Variants in THRAP3 observed in about 807,000 individuals in gnomAD.
The protein encoded by THRAP3 is thyroid hormone receptor associated protein 3.
In THRAP3, 16 loss-of-function variants were observed where a neutral mutation model predicts 101.0. The observed-to-expected ratio is 0.16, with a 90% CI of 0.11 to 0.24. THRAP3 has a LOEUF of 0.24. Ranked by LOEUF, THRAP3 falls within the 10% of genes least tolerant of loss-of-function variation. The probability of loss-of-function intolerance (pLI) is 1.00; values close to 1 mark genes in which losing one functional copy is unlikely to be tolerated. For synonymous variants in THRAP3, 407 were observed against 422.6 expected, an observed-to-expected ratio of 0.96 and a Z score of 0.45; for missense variants, 989 against 1,202.7, an observed-to-expected ratio of 0.82 and a Z score of 2.63.
rs540423730 is a variant in THRAP3 at position 36,247,183 on chromosome 1, G to C, written c.-134-12199G>C. ...GATACAAAAATTAGCTGTGTGTGGTGGTGGGCGCCTGTAATCCCAGCTACT... is the reference window on the plus strand; with the variant it reads ...GATACAAAAATTAGCTGTGTGTGGTCGTGGGCGCCTGTAATCCCAGCTACT... On this transcript the variant is annotated intron_variant, in intron 1 of 11. Transcript: ENST00000354618. Among the ~76,000 whole-genome samples, 544 of 152,138 alleles carry C rather than the reference G, an allele frequency of 3.6e-3. 27 individuals are homozygous for C. In the South Asian group the frequency reaches 0.11, roughly 30 times the overall value.
intron 2 of THRAP3, among the ~76,000 whole-genome samples, chr1:36,274,074 TGTCACACACACA>T (rs1430440301): frequency 0.023 from 2,932 of 125,794 alleles, 53 homozygotes; most frequent in Middle Eastern, 0.034. Context: ...TGTGTGTGTG[TGTCACACACACA>T]CACACACACA....
In THRAP3 at chr1:36,224,518, C is replaced by T. The variant is rs1412524501; in HGVS notation, c.-135+13C>T. 1.3e-5 allele frequency: 2 copies of T among 152,526 alleles called. No individual in the cohort carries two copies. The highest frequency in any genetic ancestry group is 6.5e-5 in the Admixed American group (1 of 15,270). The allele number at this position is 152,526 out of a possible 1,614,324, so 9.4% of individuals were successfully genotyped here. On this transcript the variant is annotated intron_variant, in intron 1 of 11. Coordinates refer to ENST00000354618, the MANE Select transcript of THRAP3 (RefSeq NM_005119.4). Reference sequence around the variant, plus strand: ...GTGGTAGGCCCAGGTGAGTGAGCGCCTCTGATGGAAGTTAGGGCAGCTTAA... The same window carrying T: ...GTGGTAGGCCCAGGTGAGTGAGCGCTTCTGATGGAAGTTAGGGCAGCTTAA...
intron 1 of THRAP3, among the ~76,000 whole-genome samples, chr1:36,247,870 C>CTTTTTT (rs550667195): frequency 7.8e-6 from 1 of 128,530 alleles, no homozygotes; most frequent in Non-Finnish European, 1.7e-5. Context: ...CCATCTTCAT[C>CTTTTTT]TTTTTTTTTT....
At chr1:36,224,209 G>A (rs1644931314), upstream of THRAP3, among the ~76,000 whole-genome samples, 1 of 152,240 alleles carries the variant, frequency 6.6e-6, no homozygotes, top group Non-Finnish European at 1.5e-5. Context: ...CCATCTCCAG[G>A]CCACCCAGGC....
rs550667195 is a variant in THRAP3 at position 36,247,870 on chromosome 1, CTT to C, written c.-134-11493_-134-11492del. ...TTTTGACCACATCTCCCATCTTCAT[CTT>C]TTTTTTTTTTTTTTTTTTGGGAGAT... On this transcript the variant is annotated intron_variant, in intron 1 of 11. Transcript: ENST00000354618. Among the ~76,000 whole-genome samples the C allele has an allele frequency of 2.5e-4, 32 of 128,510 alleles. 1 individual carries two copies. The highest frequency in any genetic ancestry group is 3.5e-4 in the Non-Finnish European group (21 of 60,240). 84.3% of individuals were successfully genotyped at this position (128,510 alleles called of 152,430 possible). A position where few individuals can be genotyped will look rare whatever the true frequency, so the allele number is the denominator to read the frequency against.
chr1:36,245,344 T>G (rs1266521993), intron 1 of THRAP3, among the ~76,000 whole-genome samples: 1 of 151,962 alleles, frequency 6.6e-6, no homozygotes, highest in Non-Finnish European at 1.5e-5. Flanking sequence ...TTTTTTTGTA[T>G]TTTTAGTAGA....
At chr1:36,287,890 C>T in intron 4 of THRAP3, 1 of 985,410 alleles carries the variant, frequency 1.0e-6, no homozygotes. Context: ...GAACATGAAT[C>T]TTTGTTTGTA....
At chr1:36,262,964 T>A (rs1645466025) in intron 2 of THRAP3, among the ~76,000 whole-genome samples, 2 of 123,580 alleles carry the variant, frequency 1.6e-5, no homozygotes, top group African/African-American at 5.7e-5. Flanking sequence ...GGCTAATTTT[T>A]TTTTTTTTTT....
chr1:36,298,586 T>C lies in THRAP3; in HGVS notation c.2303+1816T>C, dbSNP rs573196602. On this transcript the variant is annotated intron_variant, in intron 9 of 11. Transcript: ENST00000354618. ...ATAGCTCACGGCATCCTTGAACTCCTGGGTTCAAGTGATCCTCCTGCTTCA... is the reference window on the plus strand; with the variant it reads ...ATAGCTCACGGCATCCTTGAACTCCCGGGTTCAAGTGATCCTCCTGCTTCA... Among the ~76,000 whole-genome samples the C allele has an allele frequency of 1.4e-4, 22 of 152,110 alleles. No individual in the cohort carries two copies. In the East Asian group the frequency reaches 3.9e-3, roughly 27 times the overall value.
chr1:36,275,512 A>G lies in THRAP3; in HGVS notation c.-31-7021A>G, dbSNP rs572790610. On this transcript the variant is annotated intron_variant, in intron 2 of 11. Transcript: ENST00000354618. ...TGAGGCAGGAGAATGGTGTGAACCCAGGAGGCGGAGCTTGCAGTGAGCTGA... is the reference window on the plus strand; with the variant it reads ...TGAGGCAGGAGAATGGTGTGAACCCGGGAGGCGGAGCTTGCAGTGAGCTGA... 9.0e-5 allele frequency among the ~76,000 whole-genome samples: 13 copies of G among 144,810 alleles called. No homozygotes were observed. In the East Asian group the frequency reaches 1.9e-3, roughly 21 times the overall value.
chr1:36,249,720 G>GTGTGTGTGTGTGT (rs1553193619), intron 1 of THRAP3, among the ~76,000 whole-genome samples: 2 of 146,814 alleles, frequency 1.4e-5, no homozygotes, highest in African/African-American at 2.5e-5. Flanking sequence ...GTGTGTGTGT[G>GTGTGTGTGTGTGT]GTGGAGGTTG....
intron 1 of THRAP3, among the ~76,000 whole-genome samples, chr1:36,255,994 TG>T (rs929342086): frequency 3.2e-4 from 49 of 152,026 alleles, no homozygotes; most frequent in African/African-American, 1.1e-3. Flanking sequence ...AAGGCACTGT[TG>T]TCCTTTATCT....
rs1645804494 is a variant in THRAP3 at position 36,286,992 on chromosome 1, C to T, written c.762C>T (p.Pro254=). 1.2e-6 allele frequency: 2 copies of T among 1,614,252 alleles called. No homozygotes were observed. The highest frequency in any genetic ancestry group is 1.7e-6 in the Non-Finnish European group (2 of 1,180,052). The change falls in exon 4 of 12, where the codon CCC becomes CCT. Residue 254 remains proline (P), a synonymous_variant. Coordinates refer to ENST00000354618, the MANE Select transcript of THRAP3 (RefSeq NM_005119.4). The surrounding 1 kb of genome is among the most constrained non-coding windows in gnomAD (Gnocchi z 5.5). ...PRERSPALKS[P]LQSVVVRRRS... ...AGCGAAGCCCAGCTCTCAAAAGCCC[C>T]CTCCAGTCTGTGGTGGTGAGGCGGC... is the stretch of plus-strand genomic sequence containing the variant.
At position 36,293,033 on chromosome 1, in the gene THRAP3, T is replaced by TTTTTTTTTC. The variant is rs756969374; in HGVS notation, c.2030+332_2030+333insCTTTTTTTT. Among the ~76,000 whole-genome samples, 29 of 115,418 alleles carry TTTTTTTTTC rather than the reference T, an allele frequency of 2.5e-4. 2 individuals carry two copies. Among genetic ancestry groups the TTTTTTTTTC allele is most frequent in the African/African-American group, 8.9e-4 (29 of 32,590 alleles). 75.7% of individuals were successfully genotyped at this position (115,418 alleles called of 152,430 possible). A position where few individuals can be genotyped will look rare whatever the true frequency, so the allele number is the denominator to read the frequency against. ...ATGCTAGTTTCTTTTCTTGTCTTTT[T>TTTTTTTTTC]TTTTTTTTTTTTTGAGATGGAGTGT... On this transcript the variant is annotated intron_variant, in intron 7 of 11. Coordinates refer to ENST00000354618, the MANE Select transcript of THRAP3 (RefSeq NM_005119.4).
At chr1:36,297,240 G>A (rs1645964492) in intron 9 of THRAP3, among the ~76,000 whole-genome samples, 1 of 152,150 alleles carries the variant, frequency 6.6e-6, no homozygotes, top group African/African-American at 2.4e-5. Flanking sequence ...TTCCAAGAGA[G>A]GTGTTCCAGG....
chr1:36,252,721 A>G lies in THRAP3; in HGVS notation c.-134-6661A>G, dbSNP rs140291170. Among the ~76,000 whole-genome samples, 1,479 of 151,774 alleles carry G rather than the reference A, an allele frequency of 9.7e-3. 26 individuals carry two copies. Among genetic ancestry groups the G allele is most frequent in the African/African-American group, 0.034 (1,392 of 41,434 alleles). On this transcript the variant is annotated intron_variant, in intron 1 of 11. Transcript: ENST00000354618. ...TCAGTTCGAGACCAGCCTGGCCAAC[A>G]TGACGAAACCCTGTCTCTACTAAAA...
At position 36,304,125 on chromosome 1, in the gene THRAP3, A is replaced by AC. The variant is rs1646065906; in HGVS notation, c.*114dup. ...AGAAGATTCTGAAAATCCTACCCCC[A>AC]CCCCCCACCAGCCGCACAGATTGTA... On this transcript the variant is annotated 3_prime_UTR_variant, in exon 12 of 12. Coordinates refer to ENST00000354618, the MANE Select transcript of THRAP3 (RefSeq NM_005119.4). The AC allele has an allele frequency of 1.4e-6, 2 of 1,394,468 alleles. No homozygotes were observed. The highest frequency in any genetic ancestry group is 1.6e-5 in the South Asian group (1 of 61,960). 86.4% of individuals were successfully genotyped at this position (1,394,468 alleles called of 1,614,324 possible).
chr1:36,221,062 G>A (rs958750076), upstream of THRAP3, among the ~76,000 whole-genome samples: 4 of 144,402 alleles, frequency 2.8e-5, no homozygotes, highest in Non-Finnish European at 6.0e-5. Flanking sequence ...GTATGCACTT[G>A]TAGTCCCAGC....
intron 2 of THRAP3, among the ~76,000 whole-genome samples, chr1:36,268,527 C>G (rs1389128339): frequency 3.9e-5 from 6 of 152,064 alleles, no homozygotes; most frequent in African/African-American, 1.4e-4. Flanking sequence ...AGGATAGACC[C>G]ACCTTGCTGT....
Sources: gnomAD v4.1 joint callset for allele counts (sites outside exome capture counted in the v4.1 genomes callset) on GRCh38, gnomAD v4.1.1 for gene constraint, Gnocchi (gnomAD v3.1) non-coding constraint, MANE v1.5 for transcripts, NCBI Gene and HGNC (gene_info 2026-07-23, HGNC 2026-07-21) for gene names.